The following MED12L variants were observed in gnomAD, a reference collection of about 807,000 sequenced individuals.
The protein encoded by MED12L is mediator of RNA polymerase II transcription subunit 12-like protein.
Under a neutral mutation model 281.3 loss-of-function variants are expected in MED12L, and 60 were observed. The ratio of observed to expected loss-of-function variants is 0.21; its 90% CI spans 0.17 to 0.26. The LOEUF (loss-of-function observed/expected upper bound fraction) is 0.26. Among genes scored for constraint, MED12L ranks in the 10% least tolerant of loss-of-function variants. The pLI, the probability that MED12L is intolerant of heterozygous loss-of-function variation, is 1.00. For missense variants in MED12L, 2,146 were observed against 2,680.9 expected (o/e 0.80, Z 4.41); for synonymous variants, 974 against 987.2 (o/e 0.99, Z 0.25).
chr3:151,210,213 G>A (rs914738303), intron 16 of MED12L, among the ~76,000 whole-genome samples: 3 of 152,178 alleles, frequency 2.0e-5, no homozygotes, highest in African/African-American at 7.2e-5. Context: ...TGTGGCCAGT[G>A]GAATCAGACA....
chr3:151,183,888 A>G (rs1028695112), intron 11 of MED12L, among the ~76,000 whole-genome samples: 24 of 152,250 alleles, frequency 1.6e-4, no homozygotes, highest in African/African-American at 5.8e-4. Context: ...AACTGAAAGC[A>G]GTATTTTTAG....
At chr3:151,122,443 A>G (rs992841138) in intron 3 of MED12L, among the ~76,000 whole-genome samples, 20 of 152,320 alleles carry the variant, frequency 1.3e-4, no homozygotes, top group African/African-American at 3.6e-4. Flanking sequence ...ACGGGTGCGT[A>G]GTATTAGAAA....
At chr3:151,386,909 A>G (rs1442441435) in intron 36 of MED12L, among the ~76,000 whole-genome samples, 3 of 151,978 alleles carry the variant, frequency 2.0e-5, no homozygotes, top group Non-Finnish European at 2.9e-5. Context: ...GGGTTTCACC[A>G]TGTTGGCCAG....
intron 11 of MED12L, 63 bp from the exon 12 acceptor site, chr3:151,185,267 C>T: frequency 6.4e-7 from 1 of 1,553,340 alleles, no homozygotes; most frequent in Non-Finnish European, 8.8e-7. Context: ...TGCTTGCTTC[C>T]TGCCTCTTGC....
intron 16 of MED12L, among the ~76,000 whole-genome samples, chr3:151,347,665 A>T (rs113042762): frequency 1.4e-4 from 22 of 152,220 alleles, no homozygotes; most frequent in African/African-American, 5.1e-4. Context: ...ATGTTGAGTA[A>T]GGCAGTTCGG....
At chr3:151,181,576 C>CTTTTTTTTT (rs57658133) in intron 11 of MED12L, among the ~76,000 whole-genome samples, 6 of 47,078 alleles carry the variant, frequency 1.3e-4, no homozygotes, top group East Asian at 6.4e-4. Context: ...AGCTCATTGT[C>CTTTTTTTTT]TTTTTTTTTT....
intron 16 of MED12L, among the ~76,000 whole-genome samples, chr3:151,199,978 C>A (rs922727787): frequency 5.3e-4 from 81 of 151,576 alleles, no homozygotes; most frequent in Non-Finnish European, 9.4e-4. Context: ...CAGAAAAAAA[C>A]CAAAAAAACA....
Position 151,436,541 on chromosome 3 carries a change from ATTTACAAGTCCT to A in MED12L, c.*3742_*3753del. On this transcript the variant is annotated 3_prime_UTR_variant, in exon 45 of 45. Coordinates refer to ENST00000687756, the MANE Select transcript of MED12L (RefSeq NM_001393769.1). ...AGTATCATCAGTTCATAATGCATTTATTTACAAGTCCTTTTATTTTGCATGTTCATTGTAAAT... is the reference window on the plus strand; with the variant it reads ...AGTATCATCAGTTCATAATGCATTTATTTATTTTGCATGTTCATTGTAAAT... 1.7e-6 allele frequency: 1 copy of A among 601,132 alleles called. No homozygotes were observed. Among genetic ancestry groups the A allele is most frequent in the Admixed American group, 3.4e-5 (1 of 29,482 alleles). The allele number at this position is 601,132 out of a possible 1,614,324, so 37.2% of individuals were successfully genotyped here. A position where few individuals can be genotyped will look rare whatever the true frequency, so the allele number is the denominator to read the frequency against.
At chr3:151,386,172 C>T (rs924729741) in intron 36 of MED12L, among the ~76,000 whole-genome samples, 2 of 152,078 alleles carry the variant, frequency 1.3e-5, no homozygotes, top group East Asian at 3.9e-4. Flanking sequence ...TTTAGAGTAG[C>T]CTGAGAATCT....
rs187821763 is a variant in MED12L at position 151,362,032 on chromosome 3, C to A, written c.2957+1427C>A. Among the ~76,000 whole-genome samples the A allele has an allele frequency of 1.4e-3, 220 of 152,040 alleles. 2 individuals are homozygous for A. Among genetic ancestry groups the A allele is most frequent in the African/African-American group, 5.2e-3 (216 of 41,496 alleles). ...AAGGAGGTAGGGAAAGGATGTTCAA[C>A]TACCATTTTTTTTCCTTTGTCATAC... is the stretch of plus-strand genomic sequence containing the variant. On this transcript the variant is annotated intron_variant, in intron 21 of 44. Coordinates refer to ENST00000687756, the MANE Select transcript of MED12L (RefSeq NM_001393769.1).
intron 16 of MED12L, among the ~76,000 whole-genome samples, chr3:151,199,995 A>C (rs538761184): frequency 2.5e-4 from 38 of 152,296 alleles, no homozygotes; most frequent in South Asian, 6.2e-4. Context: ...AACAAACAAA[A>C]AAACCCACAA....
chr3:151,284,600 T>A (rs1184066669), intron 16 of MED12L, among the ~76,000 whole-genome samples: 5 of 151,808 alleles, frequency 3.3e-5, no homozygotes, highest in African/African-American at 1.2e-4. Context: ...TTATGTATGT[T>A]TGTTTGTTTG....
intron 6 of MED12L, 75 bp downstream of exon 6, chr3:151,156,405 C>T: frequency 1.4e-6 from 2 of 1,406,298 alleles, no homozygotes; most frequent in Non-Finnish European, 1.9e-6. Context: ...GTTTGGTGTT[C>T]TGGGGTTAAA....
intron 16 of MED12L, among the ~76,000 whole-genome samples, chr3:151,204,579 A>ACC (rs1726100397): frequency 6.6e-6 from 1 of 152,238 alleles, no homozygotes; most frequent in Non-Finnish European, 1.5e-5. Context: ...CTTTTAAGAT[A>ACC]TGTATGCTTC....
At chr3:151,276,065 G>A (rs185234469) in intron 16 of MED12L, among the ~76,000 whole-genome samples, 2 of 152,286 alleles carry the variant, frequency 1.3e-5, no homozygotes, top group Non-Finnish European at 2.9e-5. Context: ...ATACAATCAA[G>A]GACACTTTTG....
intron 43 of MED12L, among the ~76,000 whole-genome samples, chr3:151,427,141 C>T (rs530206735): frequency 2.0e-5 from 3 of 152,172 alleles, no homozygotes; most frequent in African/African-American, 7.2e-5. Flanking sequence ...TTGAAAATTT[C>T]TTCAGTGTCT....
In MED12L at chr3:151,378,045, C is replaced by T. The variant is rs1218210368; in HGVS notation, c.4350C>T (p.Ala1450=). Reference sequence around the variant, plus strand: ...AACGCAGGGGTGTATGGTTGGTGGCCCCCCTCATCGCCAGGTTGCCAACTT... The same window carrying T: ...AACGCAGGGGTGTATGGTTGGTGGCTCCCCTCATCGCCAGGTTGCCAACTT... ...SSERRGVWLV[A]PLIARLPTSV... The change falls in exon 31 of 45, where the codon GCC becomes GCT. Residue 1450 remains alanine, a synonymous_variant. Coordinates refer to ENST00000687756, the MANE Select transcript of MED12L (RefSeq NM_001393769.1). The T allele has an allele frequency of 4.3e-6, 7 of 1,610,208 alleles. No homozygotes were observed. Among genetic ancestry groups the T allele is most frequent in the Non-Finnish European group, 5.9e-6 (7 of 1,177,812 alleles).
chr3:151,185,302 G>A, intron 11 of MED12L, 28 bp from the exon 12 acceptor site: 3 of 1,609,366 alleles, frequency 1.9e-6, no homozygotes, highest in Middle Eastern at 1.7e-4. Context: ...ATTTGATGTG[G>A]CTGGTACCCC....
chr3:151,330,752 A>G (rs1750255540), intron 16 of MED12L, among the ~76,000 whole-genome samples: 1 of 152,180 alleles, frequency 6.6e-6, no homozygotes, highest in Non-Finnish European at 1.5e-5. Flanking sequence ...AGACTACCCA[A>G]TAACGGCACA....
Sources: gnomAD v4.1 joint callset for allele counts (sites outside exome capture counted in the v4.1 genomes callset) on GRCh38, gnomAD v4.1.1 for gene constraint, MANE v1.5 for transcripts, NCBI Gene and HGNC (gene_info 2026-07-23, HGNC 2026-07-21) for gene names.